Variants in ZNF536 observed in about 807,000 individuals in gnomAD.
The protein encoded by ZNF536 is zinc finger protein 536.
Under a neutral mutation model 84.5 loss-of-function variants are expected in ZNF536, and 13 were observed. The ratio of observed to expected loss-of-function variants is 0.15; its 90% CI spans 0.10 to 0.24. The LOEUF is 0.24. Ranked by LOEUF, ZNF536 falls within the 10% of genes least tolerant of loss-of-function variation. The pLI, the probability that ZNF536 is intolerant of heterozygous loss-of-function variation, is 1.00. For missense variants in ZNF536, 1,536 were observed against 1,747.5 expected, an observed-to-expected ratio of 0.88 and a Z score of 2.16; for synonymous variants, 811 against 742.5, an observed-to-expected ratio of 1.09 and a Z score of -1.50.
chr19:30,284,867 A>G (rs1020356880), intron 2 of ZNF536, among the ~76,000 whole-genome samples: 2 of 141,054 alleles, frequency 1.4e-5, no homozygotes, highest in Non-Finnish European at 3.0e-5. Flanking sequence ...TGTACTGAAT[A>G]TATATTTTTT....
chr19:30,321,634 C>A (rs1443689958), intron 2 of ZNF536, among the ~76,000 whole-genome samples: 1 of 150,680 alleles, frequency 6.6e-6, no homozygotes, highest in Non-Finnish European at 1.5e-5. Context: ...GCATGGGAAT[C>A]AAAGTGCCCT....
At chr19:30,708,032 C>T (rs2052314314) in intron 1 of ZNF536, among the ~76,000 whole-genome samples, 1 of 146,816 alleles carries the variant, frequency 6.8e-6, no homozygotes, top group Admixed American at 6.8e-5. Context: ...AAAGAAAATC[C>T]AAAAATGTAT....
At position 30,427,991 on chromosome 19, in the gene ZNF536, C is replaced by T. The variant is rs968694339; in HGVS notation, c.-2-15570C>T. ...GTTAGGAGTGACATTTTTGTGGTCACGAGCCAAATTTTGTTGCTTTTGTGA... is the reference window on the plus strand; with the variant it reads ...GTTAGGAGTGACATTTTTGTGGTCATGAGCCAAATTTTGTTGCTTTTGTGA... On this transcript the variant is annotated intron_variant, in intron 1 of 4. Transcript: ENST00000355537. 8.5e-5 allele frequency among the ~76,000 whole-genome samples: 13 copies of T among 152,288 alleles called. No homozygotes were observed. The Middle Eastern group carries it at 0.024, about 279-fold the overall frequency.
chr19:30,226,578 C>T (rs2022625596), upstream of ZNF536, among the ~76,000 whole-genome samples: 1 of 152,070 alleles, frequency 6.6e-6, no homozygotes, highest in Admixed American at 6.5e-5. The surrounding 1 kb of genome is among the most constrained non-coding windows in gnomAD (Gnocchi z 4.6). Flanking sequence ...ACCCGCGACC[C>T]CAGGAAAGGC....
At chr19:30,519,964 C>A (rs532494092) in intron 2 of ZNF536, among the ~76,000 whole-genome samples, 1 of 152,220 alleles carries the variant, frequency 6.6e-6, no homozygotes, top group Non-Finnish European at 1.5e-5. Flanking sequence ...ATTGGGCAGA[C>A]CTGACTTAGT....
At chr19:30,608,047 T>A (rs1323304609) in intron 1 of ZNF536, among the ~76,000 whole-genome samples, 2 of 152,246 alleles carry the variant, frequency 1.3e-5, no homozygotes, top group African/African-American at 4.8e-5. Flanking sequence ...TGTTATTTCA[T>A]GCAAAACTTC....
At chr19:30,618,611 GCTTT>G (rs1205338988) in intron 1 of ZNF536, among the ~76,000 whole-genome samples, 1 of 151,862 alleles carries the variant, frequency 6.6e-6, no homozygotes, top group Non-Finnish European at 1.5e-5. Context: ...TGTTATCTGA[GCTTT>G]CTTTGTTTTA....
chr19:30,389,902 T>C (rs1358359333), intron 1 of ZNF536, among the ~76,000 whole-genome samples: 2 of 152,320 alleles, frequency 1.3e-5, no homozygotes, highest in East Asian at 1.9e-4. Flanking sequence ...TAGAAAAAGA[T>C]TTTTCCAGCA....
At chr19:30,455,288 A>T (rs936900511) in intron 2 of ZNF536, among the ~76,000 whole-genome samples, 1 of 152,188 alleles carries the variant, frequency 6.6e-6, no homozygotes, top group Non-Finnish European at 1.5e-5. Flanking sequence ...TCACTAAACT[A>T]GTAAATATTT....
At chr19:30,420,896 A>G (rs1366348563) in intron 1 of ZNF536, among the ~76,000 whole-genome samples, 1 of 152,224 alleles carries the variant, frequency 6.6e-6, no homozygotes, top group African/African-American at 2.4e-5. Context: ...TCTGAGTACA[A>G]CTAGAACTTT....
chr19:30,704,038 C>T (rs568578656), intron 1 of ZNF536, among the ~76,000 whole-genome samples: 2 of 152,136 alleles, frequency 1.3e-5, no homozygotes, highest in African/African-American at 4.8e-5. Context: ...AGCAAAGGTG[C>T]CAGAACAAGA....
At chr19:30,319,288 T>C (rs1317199091) in intron 2 of ZNF536, among the ~76,000 whole-genome samples, 1 of 152,236 alleles carries the variant, frequency 6.6e-6, no homozygotes, top group African/African-American at 2.4e-5. Flanking sequence ...TCTGCCTTTA[T>C]TTATTATTTG....
At chr19:30,649,729 T>G (rs892900510) in intron 1 of ZNF536, among the ~76,000 whole-genome samples, 2 of 152,156 alleles carry the variant, frequency 1.3e-5, no homozygotes, top group Non-Finnish European at 2.9e-5. Flanking sequence ...AGAGTCATCC[T>G]AACCCCTAGG....
At chr19:30,452,838 G>A (rs373517147) in intron 2 of ZNF536, among the ~76,000 whole-genome samples, 34 of 152,110 alleles carry the variant, frequency 2.2e-4, no homozygotes, top group East Asian at 2.1e-3. Context: ...ACCTCCCTTC[G>A]TCTTCCTCTC....
intron 1 of ZNF536, among the ~76,000 whole-genome samples, chr19:30,667,902 A>C (rs2050396156): frequency 6.6e-6 from 1 of 152,078 alleles, no homozygotes. Flanking sequence ...TATTAGCCTC[A>C]TTTCATCGAT....
At chr19:30,586,152 C>T (rs985169065) in intron 1 of ZNF536, among the ~76,000 whole-genome samples, 17 of 152,270 alleles carry the variant, frequency 1.1e-4, no homozygotes, top group Middle Eastern at 3.4e-3. Flanking sequence ...TTTTATCATC[C>T]GTAACATCTA....
intron 2 of ZNF536, among the ~76,000 whole-genome samples, chr19:30,513,872 C>A (rs1599649154): frequency 6.6e-6 from 1 of 152,220 alleles, no homozygotes; most frequent in African/African-American, 2.4e-5. Flanking sequence ...TTCTCCCCTG[C>A]AGATGGGGGG....
At chr19:30,408,302 C>A (rs1288856563) in intron 1 of ZNF536, among the ~76,000 whole-genome samples, 4 of 152,132 alleles carry the variant, frequency 2.6e-5, no homozygotes, top group African/African-American at 9.7e-5. Flanking sequence ...ATTGCCCTAA[C>A]CTTCTGAGTG....
rs529316619 is a variant in ZNF536, at chr19:30,706,476, ACT to A, written c.170-4278_170-4277del. On this transcript the variant is annotated intron_variant, in intron 1 of 1. Coordinates refer to the ZNF536 transcript ENST00000592773. ...CACTGCAGCCTGTGCAATGAGTGAA[ACT>A]CTGTCTCAAAAAAAAAAAAAAAGAA... 2.2e-3 allele frequency among the ~76,000 whole-genome samples: 325 copies of A among 150,532 alleles called. 3 individuals carry two copies. Among genetic ancestry groups the A allele is most frequent in the African/African-American group, 7.4e-3 (305 of 40,978 alleles).
Sources: allele counts gnomAD v4.1 joint callset (sites outside exome capture counted in the v4.1 genomes callset), GRCh38; gene constraint gnomAD v4.1.1; non-coding constraint Gnocchi (gnomAD v3.1); transcripts MANE v1.5; gene names NCBI Gene and HGNC (gene_info 2026-07-23, HGNC 2026-07-21).